CDYL2: variants seen among roughly 807,000 people sequenced by gnomAD.
The protein encoded by CDYL2 is chromodomain Y-like protein 2.
CDYL2 carries 23 observed loss-of-function variants against 49.4 expected under a neutral mutation model. That is an observed-to-expected ratio of 0.47 (90% CI 0.34 to 0.66). The LOEUF is 0.66. Among genes scored for constraint, CDYL2 ranks in the 30% least tolerant of loss-of-function variants. The pLI, the probability that CDYL2 is intolerant of heterozygous loss-of-function variation, is 0.01. For missense variants in CDYL2, 678 were observed against 656.4 expected, an observed-to-expected ratio of 1.03 and a Z score of -0.36; for synonymous variants, 360 against 268.8, an observed-to-expected ratio of 1.34 and a Z score of -3.32.
chr16:80,631,741 G>A (rs139418535), intron 3 of CDYL2, among the ~76,000 whole-genome samples: 2 of 152,140 alleles, frequency 1.3e-5, no homozygotes, highest in Admixed American at 1.3e-4. Context: ...ATAGGCAAAG[G>A]ATGTGAATAG....
Position 80,662,747 on chromosome 16 carries a change from C to T in CDYL2, c.616+21791G>A, listed in dbSNP as rs1392850154. 7 of 455,776 alleles carry T rather than the reference C, an allele frequency of 1.5e-5. No individual in the cohort carries two copies. In the East Asian group the frequency reaches 3.5e-4, roughly 23 times the overall value. The allele number at this position is 455,776 out of a possible 1,614,324, so 28.2% of individuals were successfully genotyped here. ...ACTAATTGAAATATAACTCTAACCA[C>T]CTGTGGCTGATGGCTACCGTACTGG... On this transcript the variant is annotated intron_variant, in intron 2 of 6. Transcript: ENST00000570137.
chr16:80,750,231 T>C (rs572607839), intron 1 of CDYL2, among the ~76,000 whole-genome samples: 1 of 151,732 alleles, frequency 6.6e-6, no homozygotes, highest in South Asian at 2.1e-4. Flanking sequence ...ATAATAAAAA[T>C]ATATTTTAAA....
chr16:80,802,321 G>A (rs1907950759), intron 1 of CDYL2, among the ~76,000 whole-genome samples: 7 of 152,128 alleles, frequency 4.6e-5, no homozygotes, highest in Admixed American at 3.9e-4. Flanking sequence ...ACCTCAATTC[G>A]TAGAAAACCA....
chr16:80,668,107 G>A (rs1038583521), intron 2 of CDYL2, among the ~76,000 whole-genome samples: 1 of 152,240 alleles, frequency 6.6e-6, no homozygotes, highest in African/African-American at 2.4e-5. Context: ...CCCTTTGTAG[G>A]CAGCCCAGAT....
intron 1 of CDYL2, among the ~76,000 whole-genome samples, chr16:80,693,215 C>T (rs555477055): frequency 2.0e-4 from 30 of 152,010 alleles, no homozygotes; most frequent in African/African-American, 5.3e-4. Flanking sequence ...ATTGGATTTG[C>T]GTGGTGAGGT....
In CDYL2 at chr16:80,761,200, C is replaced by G. The variant is rs150837412; in HGVS notation, c.24+42950G>C. On this transcript the variant is annotated intron_variant, in intron 1 of 6. Coordinates refer to ENST00000570137, the MANE Select transcript of CDYL2 (RefSeq NM_152342.4). ...AACTCAGCAGGTGAAGCCCAGCAAT[C>G]TGTTTGAACAAGCCCGCCAGGGGAT... 4.1e-3 allele frequency among the ~76,000 whole-genome samples: 622 copies of G among 152,216 alleles called. 5 individuals are homozygous for G. Among genetic ancestry groups the G allele is most frequent in the African/African-American group, 0.014 (580 of 41,526 alleles).
intron 1 of CDYL2, among the ~76,000 whole-genome samples, chr16:80,771,329 T>C (rs575438923): frequency 1.3e-5 from 2 of 152,316 alleles, no homozygotes; most frequent in South Asian, 2.1e-4. Context: ...ACTCCAGATG[T>C]TGAAATGTCA....
chr16:80,656,555 C>CATAGGAAAA (rs1402896970), intron 2 of CDYL2, among the ~76,000 whole-genome samples: 2 of 152,170 alleles, frequency 1.3e-5, no homozygotes, highest in African/African-American at 4.8e-5. Flanking sequence ...TAGGAAAGCC[C>CATAGGAAAA]CCATCATGCT....
chr16:80,776,457 C>A (rs1307034495), intron 1 of CDYL2, among the ~76,000 whole-genome samples: 2 of 151,992 alleles, frequency 1.3e-5, no homozygotes, highest in African/African-American at 4.8e-5. Context: ...TAGCAGCCGT[C>A]TGTAATATCA....
chr16:80,636,823 A>G (rs1023214986), intron 2 of CDYL2, among the ~76,000 whole-genome samples: 1 of 152,222 alleles, frequency 6.6e-6, no homozygotes, highest in Non-Finnish European at 1.5e-5. Context: ...TCAACGATAG[A>G]CTGGATTAAG....
chr16:80,760,741 G>C (rs1906498923), intron 1 of CDYL2, among the ~76,000 whole-genome samples: 1 of 151,612 alleles, frequency 6.6e-6, no homozygotes, highest in Non-Finnish European at 1.5e-5. Context: ...AAGCCAAACA[G>C]ATCAACTAAC....
intron 3 of CDYL2, among the ~76,000 whole-genome samples, chr16:80,624,028 G>A (rs539358137): frequency 6.6e-6 from 1 of 152,254 alleles, no homozygotes; most frequent in East Asian, 1.9e-4. Context: ...GACCCTCCAA[G>A]TCTGTGTACT....
intron 1 of CDYL2, among the ~76,000 whole-genome samples, chr16:80,722,287 CA>C (rs1339193157): frequency 3.3e-5 from 5 of 152,172 alleles, no homozygotes; most frequent in African/African-American, 1.2e-4. Context: ...TGATCTGGAG[CA>C]GGGCTGGGCA....
intron 5 of CDYL2, among the ~76,000 whole-genome samples, chr16:80,608,997 C>A (rs1174997835): frequency 6.6e-6 from 1 of 152,170 alleles, no homozygotes; most frequent in African/African-American, 2.4e-5. Flanking sequence ...AATACCAAGG[C>A]AGAGACGTGC....
chr16:80,699,722 T>C (rs1186723508), intron 1 of CDYL2, among the ~76,000 whole-genome samples: 1 of 152,204 alleles, frequency 6.6e-6, no homozygotes, highest in African/African-American at 2.4e-5. Flanking sequence ...GATATGCTAA[T>C]TACCCTGATT....
chr16:80,699,544 A>C (rs13330220), intron 1 of CDYL2, among the ~76,000 whole-genome samples: 8,988 of 152,330 alleles, frequency 0.059, 466 homozygotes, highest in African/African-American at 0.14. Context: ...GGGAGAGGTT[A>C]GTTAATAAAT....
intron 1 of CDYL2, among the ~76,000 whole-genome samples, chr16:80,754,314 T>G (rs142381015): frequency 6.6e-6 from 1 of 152,216 alleles, no homozygotes; most frequent in East Asian, 1.9e-4. Flanking sequence ...CAAGGAGAGA[T>G]ATCCAGAATA....
chr16:80,804,285 G>C lies in CDYL2; in HGVS notation c.-112C>G, dbSNP rs1218904871. On this transcript the variant is annotated 5_prime_UTR_variant, in exon 1 of 7. Transcript: ENST00000570137. The stretch of plus-strand genomic sequence containing the variant: ...TGTGTGTGCGCGCGTGTGTGTGCGA[G>C]TGTGTGTGGTGTGTTGAGTAAACTG... 4.3e-6 allele frequency: 4 copies of C among 928,818 alleles called. No homozygotes were observed. Among genetic ancestry groups the C allele is most frequent in the African/African-American group, 3.6e-5 (2 of 56,062 alleles). The allele number at this position is 928,818 out of a possible 1,614,324, so 57.5% of individuals were successfully genotyped here.
intron 1 of CDYL2, among the ~76,000 whole-genome samples, chr16:80,768,815 C>G (rs774052530): frequency 2.4e-4 from 36 of 152,262 alleles, no homozygotes; most frequent in Admixed American, 3.9e-4. Flanking sequence ...GTTTTTCAGT[C>G]TTTCAATGTT....
Sources: allele counts gnomAD v4.1 joint callset (sites outside exome capture counted in the v4.1 genomes callset), GRCh38; gene constraint gnomAD v4.1.1; transcripts MANE v1.5; gene names NCBI Gene and HGNC (gene_info 2026-07-23, HGNC 2026-07-21).